The following CCDC138 variants were observed in gnomAD, a reference collection of about 807,000 sequenced individuals.
CCDC138 encodes the protein coiled-coil domain-containing protein 138.
Under a neutral mutation model 82.3 loss-of-function variants are expected in CCDC138, and 66 were observed. The observed-to-expected ratio is 0.80, with a 90% CI of 0.66 to 0.98. The LOEUF (loss-of-function observed/expected upper bound fraction) is 0.98, where lower values mean the gene tolerates loss of function less well. Among genes scored for constraint, CCDC138 ranks in the 50% least tolerant of loss-of-function variants. The probability of loss-of-function intolerance (pLI) is 0.00; values close to 1 mark genes in which losing one functional copy is unlikely to be tolerated. For synonymous variants in CCDC138, 297 were observed against 265.4 expected (o/e 1.12, Z -1.16); for missense variants, 816 against 758.9 (o/e 1.08, Z -0.88).
intron 10 of CCDC138, among the ~76,000 whole-genome samples, chr2:108,830,426 G>C (rs111687621): frequency 6.6e-6 from 1 of 152,198 alleles, no homozygotes; most frequent in Non-Finnish European, 1.5e-5. Context: ...TTCCAACAAA[G>C]TGTCAATTAG....
intron 13 of CCDC138, among the ~76,000 whole-genome samples, chr2:108,859,894 A>G (rs151093825): frequency 9.4e-4 from 143 of 152,200 alleles, no homozygotes; most frequent in African/African-American, 3.3e-3. Context: ...GCTTTAGGCA[A>G]TATAACCATT....
At chr2:108,817,799 T>TAC (rs917773431) in intron 10 of CCDC138, among the ~76,000 whole-genome samples, 4 of 152,236 alleles carry the variant, frequency 2.6e-5, no homozygotes, top group African/African-American at 9.6e-5. Flanking sequence ...CTTCTGAACC[T>TAC]ACAGAAGTGT....
intron 4 of CCDC138, among the ~76,000 whole-genome samples, chr2:108,793,728 C>G (rs1163883669): frequency 2.0e-5 from 3 of 151,982 alleles, no homozygotes; most frequent in Admixed American, 1.3e-4. Context: ...TCCCGAGTAG[C>G]TGGGACTACA....
intron 1 of CCDC138, among the ~76,000 whole-genome samples, chr2:108,881,921 A>T (rs530443656): frequency 1.7e-4 from 26 of 152,260 alleles, no homozygotes; most frequent in African/African-American, 6.3e-4. Flanking sequence ...AGGCTAGAGG[A>T]TTGCTTGAGG....
chr2:108,848,124 G>A (rs1690797773), intron 12 of CCDC138, among the ~76,000 whole-genome samples: 1 of 152,112 alleles, frequency 6.6e-6, no homozygotes, highest in Admixed American at 6.5e-5. Flanking sequence ...AGAATTTGAA[G>A]CCAATTTAAT....
At chr2:108,786,752 A>T (rs944726398), upstream of CCDC138, 9 of 1,416,046 alleles carry the variant, frequency 6.4e-6, no homozygotes, top group African/African-American at 1.3e-4. Flanking sequence ...GTCGTGACGC[A>T]CTGCGGCCGC....
chr2:108,846,771 G>T lies in CCDC138; in HGVS notation c.1357G>T (p.Gly453Cys). Residue 453 changes from glycine to cysteine, a missense_variant, in exon 12 of 15, where the codon GGT (glycine) becomes TGT (cysteine). Physicochemically the swap from Gly to Cys is radical, Grantham distance 159. Transcript: ENST00000295124. ...STMTSTLRRL[G>C]EDIFKGVVTK... is the part of the protein sequence containing the mutation. ...TATGACATCAACATTGAGGAGATTG[G>T]GTGAAGACATTTTTAAAGGAGTGGT... is the stretch of plus-strand genomic sequence containing the variant. 1 of 1,612,734 alleles carries T rather than the reference G, an allele frequency of 6.2e-7. No homozygotes were observed. Among genetic ancestry groups the T allele is most frequent in the South Asian group, 1.1e-5 (1 of 90,978 alleles).
chr2:108,798,688 T>G, intron 6 of CCDC138, 102 bp downstream of exon 6: 1 of 785,486 alleles, frequency 1.3e-6, no homozygotes, highest in Non-Finnish European at 2.0e-6. Context: ...TCTCCTTCCC[T>G]TCCTCCTCCT....
intron 13 of CCDC138, among the ~76,000 whole-genome samples, chr2:108,865,836 T>G (rs1465343391): frequency 1.3e-5 from 2 of 152,126 alleles, no homozygotes; most frequent in South Asian, 2.1e-4. Flanking sequence ...GTGGCTATAG[T>G]GATCAACACC....
At chr2:108,793,576 C>T (rs74817784) in intron 4 of CCDC138, among the ~76,000 whole-genome samples, 3,386 of 151,932 alleles carry the variant, frequency 0.022, 119 homozygotes, top group African/African-American at 0.078. Flanking sequence ...CTTATATACC[C>T]TCAGGAAACT....
intron 7 of CCDC138, 64 bp from the exon 8 acceptor site, chr2:108,812,567 A>G (rs1376083516): frequency 8.3e-7 from 1 of 1,210,424 alleles, no homozygotes; most frequent in African/African-American, 1.5e-5. Context: ...GTAGATTGGG[A>G]AACCCTTAGT....
intron 1 of CCDC138, among the ~76,000 whole-genome samples, chr2:108,787,444 A>C (rs1157658169): frequency 6.6e-6 from 1 of 152,164 alleles, no homozygotes. Context: ...TTACCTCTGA[A>C]TAGAAATAAC....
chr2:108,795,012 A>G (rs1030544032), intron 5 of CCDC138, among the ~76,000 whole-genome samples: 2 of 151,230 alleles, frequency 1.3e-5, no homozygotes, highest in Non-Finnish European at 2.9e-5. Flanking sequence ...CTGATAAAGT[A>G]TGGTTTTTGA....
intron 13 of CCDC138, among the ~76,000 whole-genome samples, chr2:108,871,566 G>T (rs1480393496): frequency 6.6e-6 from 1 of 151,456 alleles, no homozygotes; most frequent in Non-Finnish European, 1.5e-5. Context: ...AAAAATAAAA[G>T]TTCCTTCTGT....
At chr2:108,853,863 A>C (rs1311286016) in intron 12 of CCDC138, among the ~76,000 whole-genome samples, 8 of 128,374 alleles carry the variant, frequency 6.2e-5, no homozygotes, top group Non-Finnish European at 6.3e-5. Flanking sequence ...TATATATATA[A>C]TATATATACT....
At chr2:108,792,720 C>A (rs1457060075) in intron 4 of CCDC138, among the ~76,000 whole-genome samples, 1 of 152,080 alleles carries the variant, frequency 6.6e-6, no homozygotes, top group East Asian at 1.9e-4. Flanking sequence ...GAAGACACAC[C>A]CCCCTCCTTT....
At chr2:108,873,647 A>G (rs940410180) in intron 14 of CCDC138, 58 bp downstream of exon 14, 27 of 1,319,118 alleles carry the variant, frequency 2.0e-5, no homozygotes, top group African/African-American at 3.0e-5. Context: ...GTGATCATTT[A>G]AACCAGGGGT....
At chr2:108,831,048 AAC>A (rs1298753376) in intron 10 of CCDC138, among the ~76,000 whole-genome samples, 1 of 152,018 alleles carries the variant, frequency 6.6e-6, no homozygotes, top group Non-Finnish European at 1.5e-5. Context: ...GGTGGTGCAT[AAC>A]TGTAATCCCA....
chr2:108,854,120 A>G (rs1388154763), intron 12 of CCDC138, among the ~76,000 whole-genome samples: 1 of 137,894 alleles, frequency 7.3e-6, no homozygotes, highest in Non-Finnish European at 1.5e-5. Flanking sequence ...TATATAATAT[A>G]TACATATGTA....
Sources: gnomAD v4.1 joint callset for allele counts (sites outside exome capture counted in the v4.1 genomes callset) on GRCh38, gnomAD v4.1.1 for gene constraint, MANE v1.5 for transcripts, NCBI Gene and HGNC (gene_info 2026-07-23, HGNC 2026-07-21) for gene names.